Variants in CSMD1 observed in about 807,000 individuals in gnomAD.
The protein encoded by CSMD1 is CUB and Sushi multiple domains 1.
Under a neutral mutation model 417.5 loss-of-function variants are expected in CSMD1, and 213 were observed. The ratio of observed to expected loss-of-function variants is 0.51; its 90% CI spans 0.46 to 0.57. The LOEUF is 0.57. CSMD1 is among the 20% of genes least tolerant of loss of function. CSMD1 has a pLI of 0.00. For synonymous variants in CSMD1, 2,862 were observed against 1,736.8 expected (o/e 1.65, Z -16.11); for missense variants, 6,923 against 4,529.7 (o/e 1.53, Z -15.17).
intron 7 of CSMD1, among the ~76,000 whole-genome samples, chr8:3,706,968 G>C (rs900287555): frequency 1.3e-5 from 2 of 152,008 alleles, no homozygotes; most frequent in Non-Finnish European, 2.9e-5. Flanking sequence ...TCAATAGAAA[G>C]TGCCATGCAA....
intron 2 of CSMD1, among the ~76,000 whole-genome samples, chr8:4,496,982 G>A (rs1014652773): frequency 1.3e-5 from 2 of 152,104 alleles, no homozygotes; most frequent in South Asian, 2.1e-4. Flanking sequence ...AAACGAAAGG[G>A]AGACAATAAG....
chr8:3,252,967 G>A lies in CSMD1; in HGVS notation c.4154-22736C>T, dbSNP rs558120229. Among the ~76,000 whole-genome samples the A allele has an allele frequency of 7.2e-5, 11 of 152,064 alleles. No homozygotes were observed. In the East Asian group the frequency reaches 1.2e-3, roughly 16 times the overall value. On this transcript the variant is annotated intron_variant, in intron 26 of 69. Coordinates refer to ENST00000635120, the MANE Select transcript of CSMD1 (RefSeq NM_033225.6). ...TTATTCTCTCTTTTCTTCTTTATTA[G>A]TTTTGCTAGCAGTCTATCAATTTTG...
chr8:3,946,930 C>A (rs1407889453), intron 5 of CSMD1, among the ~76,000 whole-genome samples: 1 of 152,172 alleles, frequency 6.6e-6, no homozygotes, highest in Admixed American at 6.5e-5. Flanking sequence ...CTTGTTATGT[C>A]TAGTAACTTT....
chr8:4,355,678 C>T (rs533022982), intron 3 of CSMD1, among the ~76,000 whole-genome samples: 3 of 152,180 alleles, frequency 2.0e-5, no homozygotes, highest in Non-Finnish European at 4.4e-5. Context: ...CCAAAGCCTA[C>T]AGAGTTTCCT....
At chr8:3,569,921 A>T (rs1331022092) in intron 10 of CSMD1, among the ~76,000 whole-genome samples, 1 of 152,194 alleles carries the variant, frequency 6.6e-6, no homozygotes, top group East Asian at 1.9e-4. Context: ...AGGGCAAATA[A>T]TTTTCTGAAG....
At chr8:4,835,602 T>C (rs1489817101) in intron 1 of CSMD1, among the ~76,000 whole-genome samples, 1 of 152,176 alleles carries the variant, frequency 6.6e-6, no homozygotes, top group Non-Finnish European at 1.5e-5. Flanking sequence ...TTTATCTACA[T>C]TTTGCATATG....
chr8:2,973,397 G>T, intron 56 of CSMD1, 98 bp from the exon 57 acceptor site: 1 of 1,227,996 alleles, frequency 8.1e-7, no homozygotes, highest in Non-Finnish European at 1.1e-6. Flanking sequence ...GTTGAAATTT[G>T]TGTTTCACAT....
At chr8:4,573,436 G>T (rs1385485673) in intron 2 of CSMD1, among the ~76,000 whole-genome samples, 1 of 152,098 alleles carries the variant, frequency 6.6e-6, no homozygotes, top group Non-Finnish European at 1.5e-5. Context: ...CTTTCCTGGG[G>T]TGTCACCAGT....
chr8:4,807,969 GA>G (rs1179277792), intron 1 of CSMD1, among the ~76,000 whole-genome samples: 1 of 152,134 alleles, frequency 6.6e-6, no homozygotes, highest in Non-Finnish European at 1.5e-5. Context: ...AGTTCACTTG[GA>G]AAAACTTCCC....
At chr8:4,057,508 G>C (rs567555720) in intron 3 of CSMD1, among the ~76,000 whole-genome samples, 15 of 152,214 alleles carry the variant, frequency 9.9e-5, no homozygotes, top group East Asian at 5.8e-4. Context: ...ACGGTAGTTT[G>C]TTTTGCTGTG....
chr8:4,760,663 T>G (rs1048142138), intron 1 of CSMD1, among the ~76,000 whole-genome samples: 1 of 152,186 alleles, frequency 6.6e-6, no homozygotes, highest in Non-Finnish European at 1.5e-5. Context: ...ATGAGTAACA[T>G]TTTGTCTATT....
At chr8:4,143,701 A>G (rs143454196) in intron 3 of CSMD1, among the ~76,000 whole-genome samples, 4 of 151,084 alleles carry the variant, frequency 2.6e-5, no homozygotes, top group Admixed American at 2.6e-4. Context: ...TAAGATACAC[A>G]AAGTAACAAA....
chr8:3,482,052 C>G (rs1817778791), intron 11 of CSMD1, among the ~76,000 whole-genome samples: 3 of 152,026 alleles, frequency 2.0e-5, no homozygotes, highest in Admixed American at 1.3e-4. Flanking sequence ...TGAAATATAC[C>G]ACAAACAGGT....
At chr8:4,729,567 C>T (rs1178122796) in intron 1 of CSMD1, among the ~76,000 whole-genome samples, 1 of 151,982 alleles carries the variant, frequency 6.6e-6, no homozygotes. Flanking sequence ...AGGCAAATTT[C>T]GATATTGCTA....
chr8:3,205,560 T>C lies in CSMD1; in HGVS notation c.4928A>G (p.His1643Arg), dbSNP rs746082288. 5 of 1,603,522 alleles carry C rather than the reference T, an allele frequency of 3.1e-6. No individual in the cohort carries two copies. Among genetic ancestry groups the C allele is most frequent in the Non-Finnish European group, 3.4e-6 (4 of 1,174,092 alleles). Residue 1643 changes from histidine to arginine, a missense_variant, in exon 31 of 70, where the codon CAT becomes CGT. Transcript: ENST00000635120. ...EGVVLSPNYP[H>R]NYTAGQICLY... ...GCATATTTGACCAGCTGTGTAATTA[T>C]GGGGGTAGTTTGGTGATAAAACTAC...
chr8:3,895,476 A>C (rs1360133656), intron 5 of CSMD1, among the ~76,000 whole-genome samples: 2 of 152,148 alleles, frequency 1.3e-5, no homozygotes, highest in Non-Finnish European at 2.9e-5. Context: ...AAAAAGAAAA[A>C]ATCAATATTA....
At chr8:4,869,645 C>G (rs912590009) in intron 1 of CSMD1, among the ~76,000 whole-genome samples, 2 of 151,972 alleles carry the variant, frequency 1.3e-5, no homozygotes, top group African/African-American at 4.8e-5. Flanking sequence ...ATATTCTCTG[C>G]TAATACAGAT....
intron 26 of CSMD1, among the ~76,000 whole-genome samples, chr8:3,240,165 C>T (rs1011853878): frequency 2.0e-5 from 3 of 152,156 alleles, no homozygotes; most frequent in South Asian, 2.1e-4. Context: ...TCGGTGCGGT[C>T]CCGGTTCTTG....
At chr8:4,799,945 C>A (rs6993597) in intron 1 of CSMD1, among the ~76,000 whole-genome samples, 3 of 152,028 alleles carry the variant, frequency 2.0e-5, no homozygotes, top group Non-Finnish European at 4.4e-5. Flanking sequence ...CATGTACCCT[C>A]GAACATGCAG....
Sources: allele counts gnomAD v4.1 joint callset (sites outside exome capture counted in the v4.1 genomes callset), GRCh38; gene constraint gnomAD v4.1.1; transcripts MANE v1.5; gene names NCBI Gene and HGNC (gene_info 2026-07-23, HGNC 2026-07-21).